The following TSC22D1 variants were observed in gnomAD, a reference collection of about 807,000 sequenced individuals.
TSC22D1 encodes the protein TSC22 domain family member 1.
A neutral mutation model predicts 74.2 loss-of-function variants in TSC22D1; 9 were observed. The observed-to-expected ratio is 0.12, with a 90% confidence interval of 0.07 to 0.21. TSC22D1 has a LOEUF of 0.21. Among genes scored for constraint, TSC22D1 ranks in the 10% least tolerant of loss-of-function variants. TSC22D1 has a pLI of 1.00. For synonymous variants in TSC22D1, 586 were observed against 492.5 expected, an observed-to-expected ratio of 1.19 and a Z score of -2.51; for missense variants, 1,427 against 1,304.7, an observed-to-expected ratio of 1.09 and a Z score of -1.44.
At chr13:44,447,059 T>C (rs1011110960) in intron 1 of TSC22D1, among the ~76,000 whole-genome samples, 1 of 152,052 alleles carries the variant, frequency 6.6e-6, no homozygotes, top group African/African-American at 2.4e-5. Flanking sequence ...ATCCATTAAA[T>C]AACTTCCCAT....
intron 1 of TSC22D1, among the ~76,000 whole-genome samples, chr13:44,461,698 A>G (rs1232483675): frequency 6.6e-6 from 1 of 152,184 alleles, no homozygotes; most frequent in Admixed American, 6.6e-5. Flanking sequence ...TGGGAAATTA[A>G]GGCAGATAAA....
chr13:44,470,529 T>C (rs1877541914), intron 1 of TSC22D1, among the ~76,000 whole-genome samples: 1 of 152,220 alleles, frequency 6.6e-6, no homozygotes, highest in African/African-American at 2.4e-5. Context: ...AGTTGCTCCA[T>C]GAGCAGTTAG....
At position 44,453,288 on chromosome 13, in the gene TSC22D1, A is replaced by ACT. The variant is rs1431685004; in HGVS notation, c.2913-17194_2913-17193insAG. On this transcript the variant is annotated intron_variant, in intron 1 of 2. Transcript: ENST00000458659. ...AGTAGCCACTCCTCGTTTCTGCTTA[A>ACT]TATAACTTTTTTGCATAAACATATG... 6.1e-3 allele frequency among the ~76,000 whole-genome samples: 57 copies of ACT among 9,382 alleles called. No individual in the cohort carries two copies. The Non-Finnish European group carries it at 0.12, about 19-fold the overall frequency. The allele number at this position is 9,382 out of a possible 152,430, so 6.2% of individuals were successfully genotyped here.
At chr13:44,542,116 C>T (rs1026452573) in intron 1 of TSC22D1, among the ~76,000 whole-genome samples, 13 of 151,988 alleles carry the variant, frequency 8.6e-5, no homozygotes, top group East Asian at 1.9e-4. Context: ...AATTAAGATA[C>T]GATTTTCCAA....
At chr13:44,469,961 A>G (rs1456398193) in intron 1 of TSC22D1, among the ~76,000 whole-genome samples, 1 of 152,160 alleles carries the variant, frequency 6.6e-6, no homozygotes, top group Non-Finnish European at 1.5e-5. Flanking sequence ...TGAGGGGGGA[A>G]ATATGATGAT....
At chr13:44,455,525 T>C (rs2138928844) in intron 1 of TSC22D1, among the ~76,000 whole-genome samples, 1 of 152,336 alleles carries the variant, frequency 6.6e-6, no homozygotes, top group East Asian at 1.9e-4. Context: ...CTTTATATTC[T>C]AAACTAGTTT....
chr13:44,536,488 C>T (rs1182907312), intron 1 of TSC22D1, among the ~76,000 whole-genome samples: 1 of 151,736 alleles, frequency 6.6e-6, no homozygotes, highest in East Asian at 1.9e-4. Flanking sequence ...GATTTAAAAA[C>T]AAGAGACTAT....
At position 44,574,206 on chromosome 13, in the gene TSC22D1, T is replaced by C; in HGVS notation, c.1869A>G (p.Pro623=). Reference sequence around the variant, plus strand: ...GTTGTCCATACTGTAACTGTTGGGGTGGTGGTGCCCCTGGAAGGGGAGTTT... The same window carrying C: ...GTTGTCCATACTGTAACTGTTGGGGCGGTGGTGCCCCTGGAAGGGGAGTTT... ...PVQTPLPGAP[P]PQQLQYGQQQ... The change falls in exon 1 of 3, where the codon CCA becomes CCG. Residue 623 remains proline (P), a synonymous_variant. Coordinates refer to ENST00000458659, the MANE Select transcript of TSC22D1 (RefSeq NM_183422.4). 1 of 1,614,218 alleles carries C rather than the reference T, an allele frequency of 6.2e-7. No homozygotes were observed.
chr13:44,499,319 T>C (rs537135033), intron 1 of TSC22D1, among the ~76,000 whole-genome samples: 14 of 152,332 alleles, frequency 9.2e-5, no homozygotes, highest in African/African-American at 3.4e-4. Context: ...GTTTTGACAA[T>C]CTGAATGTAC....
intron 1 of TSC22D1, among the ~76,000 whole-genome samples, chr13:44,569,277 T>A (rs1883587110): frequency 6.6e-6 from 1 of 152,150 alleles, no homozygotes; most frequent in Admixed American, 6.5e-5. Context: ...ATCTAGGCAA[T>A]CTAACTCCAC....
chr13:44,492,947 A>G (rs1032026584), intron 1 of TSC22D1, among the ~76,000 whole-genome samples: 2 of 152,142 alleles, frequency 1.3e-5, no homozygotes, highest in African/African-American at 4.8e-5. Context: ...TGCTAACTCA[A>G]ATCCCTCTCT....
intron 1 of TSC22D1, among the ~76,000 whole-genome samples, chr13:44,497,419 G>T (rs1032188319): frequency 6.6e-6 from 1 of 152,128 alleles, no homozygotes; most frequent in Non-Finnish European, 1.5e-5. Flanking sequence ...ACTTTCTTTT[G>T]GGGTGATGAA....
intron 1 of TSC22D1, among the ~76,000 whole-genome samples, chr13:44,530,747 A>T (rs898869651): frequency 1.3e-5 from 2 of 152,164 alleles, no homozygotes; most frequent in Non-Finnish European, 2.9e-5. Flanking sequence ...GTGTATGAGA[A>T]GATGTTCAAC....
rs1398990515 is a variant in TSC22D1 at position 44,574,434 on chromosome 13, T to G, written c.1641A>C (p.Val547=). 1 of 1,614,238 alleles carries G rather than the reference T, an allele frequency of 6.2e-7. No homozygotes were observed. The highest frequency in any genetic ancestry group is 1.3e-5 in the African/African-American group (1 of 75,056). The part of the protein sequence containing the change: ...QSISQSQISQ[V]QLQSQELSYQ... ...AGCTCAGTTCTTGAGACTGTAATTG[T>G]ACTTGTGAGATCTGTGACTGAGAAA... Residue 547 remains valine (V), a synonymous_variant, in exon 1 of 3, where the codon GTA becomes GTC. Transcript: ENST00000458659.
intron 1 of TSC22D1, among the ~76,000 whole-genome samples, chr13:44,517,857 A>ATTTT (rs71070912): frequency 8.0e-4 from 13 of 16,174 alleles, no homozygotes; most frequent in East Asian, 1.9e-3. Flanking sequence ...ATATATATAT[A>ATTTT]TTTTTTTTTT....
intron 1 of TSC22D1, among the ~76,000 whole-genome samples, chr13:44,556,065 C>T (rs1882615828): frequency 6.6e-6 from 1 of 152,002 alleles, no homozygotes; most frequent in South Asian, 2.1e-4. Context: ...GCTTATATTA[C>T]ATTACTATTA....
In TSC22D1 at chr13:44,574,795, G is replaced by A; in HGVS notation, c.1280C>T (p.Thr427Ile). The change falls in exon 1 of 3, where the codon ACT becomes ATT. Residue 427 changes from threonine to isoleucine, a missense_variant. Coordinates refer to ENST00000458659, the MANE Select transcript of TSC22D1 (RefSeq NM_183422.4). ...EPFKKGRWTC[T>I]EFYEKENAVP... ...AGCATTTTCTTTTTCATAGAACTCA[G>A]TGCAAGTCCATCTACCTTTTTTAAA... 6.2e-7 allele frequency: 1 copy of A among 1,614,058 alleles called. No homozygotes were observed.
chr13:44,436,676 G>A (rs771890513), intron 1 of TSC22D1: 1 of 1,595,544 alleles, frequency 6.3e-7, no homozygotes, highest in African/African-American at 1.4e-5. Context: ...GGGAACACCA[G>A]CAGCCTTGTA....
chr13:44,552,291 C>T lies in TSC22D1; in HGVS notation c.2912+20872G>A, dbSNP rs1003645037. Reference sequence around the variant, plus strand: ...ACCTAGGAAATGGATAAATAATAGACAAGAATGTTCAATTGGCTCCTTTAC... The same window carrying T: ...ACCTAGGAAATGGATAAATAATAGATAAGAATGTTCAATTGGCTCCTTTAC... On this transcript the variant is annotated intron_variant, in intron 1 of 2. Transcript: ENST00000458659. 3.3e-5 allele frequency among the ~76,000 whole-genome samples: 5 copies of T among 152,110 alleles called. No homozygotes were observed. The East Asian group carries it at 9.6e-4, about 29-fold the overall frequency.
Sources: allele counts gnomAD v4.1 joint callset (sites outside exome capture counted in the v4.1 genomes callset), GRCh38; gene constraint gnomAD v4.1.1; transcripts MANE v1.5; gene names NCBI Gene and HGNC (gene_info 2026-07-23, HGNC 2026-07-21).